The following CHSY3 variants were observed in gnomAD, a reference collection of about 807,000 sequenced individuals.
CHSY3 encodes chondroitin sulfate synthase 3.
CHSY3 carries 35 observed loss-of-function variants against 67.2 expected under a neutral mutation model. The ratio of observed to expected loss-of-function variants is 0.52; its 90% confidence interval spans 0.40 to 0.69. The LOEUF (loss-of-function observed/expected upper bound fraction) is 0.69, where lower values mean the gene tolerates loss of function less well. Ranked by LOEUF, CHSY3 falls within the 30% of genes least tolerant of loss-of-function variation. The pLI is 0.00. For synonymous variants in CHSY3, 474 were observed against 434.7 expected, an observed-to-expected ratio of 1.09 and a Z score of -1.12; for missense variants, 1,069 against 1,138.5, an observed-to-expected ratio of 0.94 and a Z score of 0.88.
At chr5:130,059,997 A>G (rs1006217472) in intron 2 of CHSY3, among the ~76,000 whole-genome samples, 2 of 152,142 alleles carry the variant, frequency 1.3e-5, no homozygotes, top group Non-Finnish European at 2.9e-5. Context: ...TACAAAAAAA[A>G]AACTGGTACC....
At chr5:130,053,812 G>A (rs1765442597) in intron 2 of CHSY3, among the ~76,000 whole-genome samples, 1 of 152,138 alleles carries the variant, frequency 6.6e-6, no homozygotes, top group Admixed American at 6.6e-5. Context: ...GGTATGTTTA[G>A]ATGAGCTCAC....
chr5:129,948,140 A>T (rs1761915363), intron 2 of CHSY3, among the ~76,000 whole-genome samples: 1 of 152,220 alleles, frequency 6.6e-6, no homozygotes, highest in Non-Finnish European at 1.5e-5. Flanking sequence ...GAAAACAGAG[A>T]AGACTCAAAT....
chr5:130,152,477 C>T (rs376841124), intron 2 of CHSY3, among the ~76,000 whole-genome samples: 2 of 152,082 alleles, frequency 1.3e-5, no homozygotes, highest in Non-Finnish European at 2.9e-5. Flanking sequence ...ATTTTTATGT[C>T]GACTTTTTTT....
intron 2 of CHSY3, among the ~76,000 whole-genome samples, chr5:130,117,689 T>C (rs972569394): frequency 3.3e-5 from 5 of 152,190 alleles, no homozygotes; most frequent in African/African-American, 1.2e-4. Flanking sequence ...TTTTCTAAAA[T>C]TTCACCACCA....
intron 2 of CHSY3, among the ~76,000 whole-genome samples, chr5:129,943,649 T>G (rs952009274): frequency 6.6e-6 from 1 of 152,308 alleles, no homozygotes; most frequent in Admixed American, 6.5e-5. Flanking sequence ...TAAAATTTCA[T>G]GAAGGGTAGA....
chr5:130,178,251 A>ATTTTTTTTTTTTTT (rs1298647034), intron 2 of CHSY3, among the ~76,000 whole-genome samples: 20 of 62,730 alleles, frequency 3.2e-4, no homozygotes, highest in East Asian at 2.2e-3. Context: ...ATATATATAT[A>ATTTTTTTTTTTTTT]TATTTTTTTT....
chr5:130,166,741 T>A (rs550531173), intron 2 of CHSY3, among the ~76,000 whole-genome samples: 2 of 152,246 alleles, frequency 1.3e-5, no homozygotes, highest in African/African-American at 4.8e-5. Flanking sequence ...TAATTGGATG[T>A]TTAGCTCTAG....
At chr5:130,082,684 G>A (rs911109798) in intron 2 of CHSY3, among the ~76,000 whole-genome samples, 7 of 151,848 alleles carry the variant, frequency 4.6e-5, no homozygotes, top group Non-Finnish European at 7.4e-5. Flanking sequence ...TGGTTAAGTC[G>A]GCATGGAGCA....
Position 130,057,918 on chromosome 5 carries a change from G to A in CHSY3, c.1087-126311G>A, listed in dbSNP as rs985986439. Among the ~76,000 whole-genome samples the A allele has an allele frequency of 2.0e-5, 3 of 152,214 alleles. No homozygotes were observed. The South Asian group carries it at 6.2e-4, about 32-fold the overall frequency. ...ATGCACACAGAGAGAGAGAGAGAGA[G>A]AGAGAGACAGAGAGATACAGAGCAC... is the stretch of plus-strand genomic sequence containing the variant. On this transcript the variant is annotated intron_variant, in intron 2 of 2. Transcript: ENST00000305031.
intron 2 of CHSY3, among the ~76,000 whole-genome samples, chr5:130,028,128 C>CTA (rs1386523032): frequency 1.3e-5 from 2 of 152,062 alleles, no homozygotes; most frequent in African/African-American, 4.8e-5. Context: ...CCCCATCAAG[C>CTA]TACCAATGAC....
intron 2 of CHSY3, among the ~76,000 whole-genome samples, chr5:129,958,503 TTTTTGTAACTTTTGTACAAAAGA>T (rs967894921): frequency 1.9e-4 from 29 of 152,206 alleles, no homozygotes; most frequent in East Asian, 9.7e-4. Flanking sequence ...CACTTTAACA[TTTTTGTAACTTTTGTACAAAAGA>T]TTTTGTAACT....
Position 129,972,175 on chromosome 5 carries a change from AT to A in CHSY3, c.1086+63818del, listed in dbSNP as rs530427717. Among the ~76,000 whole-genome samples, 521 of 152,202 alleles carry A rather than the reference AT, an allele frequency of 3.4e-3. 1 individual carries two copies. Among genetic ancestry groups the A allele is most frequent in the Non-Finnish European group, 5.8e-3 (397 of 67,976 alleles). On this transcript the variant is annotated intron_variant, in intron 2 of 2. Transcript: ENST00000305031. Reference sequence around the variant, plus strand: ...GTTATTTACAGATTAAGTCAAAATTATTTAGAATGACTTAAAAATTATGACA... The same window carrying A: ...GTTATTTACAGATTAAGTCAAAATTATTAGAATGACTTAAAAATTATGACA...
At chr5:130,013,564 T>C (rs1764128160) in intron 2 of CHSY3, among the ~76,000 whole-genome samples, 1 of 152,184 alleles carries the variant, frequency 6.6e-6, no homozygotes, top group Admixed American at 6.5e-5. Flanking sequence ...TGCCAAGGCT[T>C]GAGGCTTGCA....
In CHSY3 at chr5:130,186,462, G is replaced by T. The variant is rs1452892848; in HGVS notation, c.*671G>T. On this transcript the variant is annotated 3_prime_UTR_variant, in exon 3 of 3. Transcript: ENST00000305031. ...CTCCTCACAACTGTCTGCTATAAAT[G>T]CGAATGAACTTTATTTTCTCAAGGA... 1 of 152,646 alleles carries T rather than the reference G, an allele frequency of 6.6e-6. No individual in the cohort carries two copies. The highest frequency in any genetic ancestry group is 1.5e-5 in the Non-Finnish European group (1 of 68,014). 9.5% of individuals were successfully genotyped at this position (152,646 alleles called of 1,614,324 possible). A position where few individuals can be genotyped will look rare whatever the true frequency, so the allele number is the denominator to read the frequency against.
intron 2 of CHSY3, among the ~76,000 whole-genome samples, chr5:130,064,328 C>A (rs923118793): frequency 6.6e-5 from 10 of 152,054 alleles, no homozygotes; most frequent in African/African-American, 2.4e-4. Context: ...ATATAAGGTC[C>A]ATTTTACACG....
chr5:130,116,358 G>T (rs572928814), intron 2 of CHSY3, among the ~76,000 whole-genome samples: 22 of 152,250 alleles, frequency 1.4e-4, no homozygotes, highest in African/African-American at 5.1e-4. Flanking sequence ...AGTAAGCATG[G>T]TGCTTTTAAA....
intron 2 of CHSY3, among the ~76,000 whole-genome samples, chr5:129,912,287 C>G (rs1020840248): frequency 3.3e-5 from 5 of 152,128 alleles, no homozygotes; most frequent in African/African-American, 1.2e-4. Flanking sequence ...GTATAGATTT[C>G]TAAATTAATT....
At chr5:130,098,691 A>G (rs965768731) in intron 2 of CHSY3, among the ~76,000 whole-genome samples, 2 of 152,234 alleles carry the variant, frequency 1.3e-5, no homozygotes, top group African/African-American at 4.8e-5. Context: ...AGTGATATCT[A>G]TAGACCCAGT....
chr5:130,106,512 A>G (rs1315339632), intron 2 of CHSY3, among the ~76,000 whole-genome samples: 1 of 151,694 alleles, frequency 6.6e-6, no homozygotes, highest in Non-Finnish European at 1.5e-5. Flanking sequence ...ATTCTACTGT[A>G]GGGATACAGA....
Sources: allele counts gnomAD v4.1 joint callset (sites outside exome capture counted in the v4.1 genomes callset), GRCh38; gene constraint gnomAD v4.1.1; transcripts MANE v1.5; gene names NCBI Gene and HGNC (gene_info 2026-07-23, HGNC 2026-07-21).